The following CHRM3 variants were observed in gnomAD, a reference collection of about 807,000 sequenced individuals.
CHRM3 encodes muscarinic acetylcholine receptor M3.
CHRM3 carries 11 observed loss-of-function variants against 41.8 expected under a neutral mutation model. That is an observed-to-expected ratio of 0.26 (90% CI 0.17 to 0.44). The LOEUF (loss-of-function observed/expected upper bound fraction) is 0.44. Among genes scored for constraint, CHRM3 ranks in the 20% least tolerant of loss-of-function variants. The pLI is 1.00. For synonymous variants in CHRM3, 297 were observed against 301.4 expected (o/e 0.99, Z 0.15); for missense variants, 571 against 745.4 (o/e 0.77, Z 2.72).
At chr1:239,743,681 C>A (rs1665060798) in intron 5 of CHRM3, among the ~76,000 whole-genome samples, 1 of 151,994 alleles carries the variant, frequency 6.6e-6, no homozygotes. Context: ...CCAAACCAAA[C>A]CATCAACCAC....
intron 5 of CHRM3, among the ~76,000 whole-genome samples, chr1:239,736,560 C>T (rs1298715272): frequency 4.6e-5 from 7 of 151,948 alleles, no homozygotes; most frequent in Admixed American, 6.6e-5. Flanking sequence ...GATGTATTAT[C>T]GGATGTTGAA....
At chr1:239,782,478 G>A (rs954383946) in intron 5 of CHRM3, among the ~76,000 whole-genome samples, 1 of 152,032 alleles carries the variant, frequency 6.6e-6, no homozygotes, top group African/African-American at 2.4e-5. Flanking sequence ...TTATGATTTA[G>A]TAATTTGAAT....
At chr1:239,520,712 C>T (rs987781072) in intron 2 of CHRM3, among the ~76,000 whole-genome samples, 1 of 152,158 alleles carries the variant, frequency 6.6e-6, no homozygotes, top group Non-Finnish European at 1.5e-5. Flanking sequence ...TTAAGTCAAA[C>T]CAGTGACTAA....
chr1:239,776,886 A>G (rs1400253675), intron 5 of CHRM3, among the ~76,000 whole-genome samples: 1 of 152,104 alleles, frequency 6.6e-6, no homozygotes, highest in African/African-American at 2.4e-5. Flanking sequence ...TGAAACCATC[A>G]GGTCTTGTAA....
At chr1:239,649,529 C>T (rs1672052719) in intron 4 of CHRM3, among the ~76,000 whole-genome samples, 2 of 152,144 alleles carry the variant, frequency 1.3e-5, no homozygotes, top group South Asian at 4.1e-4. Context: ...CATAAGTAAG[C>T]TCAGTTTTAA....
chr1:239,813,400 T>C (rs903255403), intron 5 of CHRM3, among the ~76,000 whole-genome samples: 3 of 152,192 alleles, frequency 2.0e-5, no homozygotes, highest in African/African-American at 4.8e-5. Flanking sequence ...AAAAAAATAA[T>C]TTGGACTAAC....
Position 239,908,838 on chromosome 1 carries a change from C to T in CHRM3, c.1387C>T (p.Leu463=). The T allele has an allele frequency of 1.2e-6, 2 of 1,614,152 alleles. No homozygotes were observed. Among genetic ancestry groups the T allele is most frequent in the Middle Eastern group, 1.6e-4 (1 of 6,062 alleles). The change falls in exon 7 of 7, where the codon CTG becomes TTG. Residue 463 remains leucine (L), a synonymous_variant. Coordinates refer to ENST00000676153, the MANE Select transcript of CHRM3 (RefSeq NM_001375978.1). The surrounding 1 kb of genome is among the most constrained non-coding windows in gnomAD (Gnocchi z 7.2). ...ACCTCTGTCCTTCAAGGAAGCCACT[C>T]TGGCCAAGAGGTTTGCTCTGAAGAC... ...TLPLSFKEAT[L]AKRFALKTRS... is the part of the protein sequence containing the mutation.
intron 4 of CHRM3, among the ~76,000 whole-genome samples, chr1:239,658,716 A>G (rs1273740444): frequency 6.6e-6 from 1 of 151,930 alleles, no homozygotes; most frequent in Non-Finnish European, 1.5e-5. Context: ...ACATCCTCTC[A>G]TAGCTTCTTC....
chr1:239,643,343 T>C (rs1487111192), intron 4 of CHRM3, among the ~76,000 whole-genome samples: 1 of 152,182 alleles, frequency 6.6e-6, no homozygotes, highest in African/African-American at 2.4e-5. Flanking sequence ...CTGCTATCTT[T>C]TTATTTGTCT....
At position 239,908,954 on chromosome 1, in the gene CHRM3, C is replaced by T; in HGVS notation, c.1503C>T (p.Ile501=). The T allele has an allele frequency of 1.2e-6, 2 of 1,614,146 alleles. No homozygotes were observed. Among genetic ancestry groups the T allele is most frequent in the East Asian group, 2.2e-5 (1 of 44,846 alleles). ...QTLSAILLAF[I]ITWTPYNIMV... is the part of the protein sequence containing the mutation. The stretch of plus-strand genomic sequence containing the variant: ...TCAGTGCGATCTTGCTTGCCTTCAT[C>T]ATCACTTGGACCCCATACAACATCA... Residue 501 remains isoleucine, a synonymous_variant, in exon 7 of 7, where the codon ATC becomes ATT. Coordinates refer to ENST00000676153, the MANE Select transcript of CHRM3 (RefSeq NM_001375978.1). This position sits in a 1 kb window ranked among gnomAD's most constrained non-coding sequence, Gnocchi z 7.2.
At chr1:239,568,059 G>A (rs756252091) in intron 3 of CHRM3, among the ~76,000 whole-genome samples, 14 of 152,148 alleles carry the variant, frequency 9.2e-5, no homozygotes, top group South Asian at 4.1e-4. Context: ...GCAACTGAGG[G>A]AGGTCCAGGA....
chr1:239,810,900 G>A, intron 5 of CHRM3, among the ~76,000 whole-genome samples: 1 of 152,274 alleles, frequency 6.6e-6, no homozygotes, highest in South Asian at 2.1e-4. Context: ...TCATTACCAA[G>A]TACCTATCCC....
At chr1:239,500,280 T>C (rs1026295111) in intron 2 of CHRM3, among the ~76,000 whole-genome samples, 1 of 152,098 alleles carries the variant, frequency 6.6e-6, no homozygotes, top group Non-Finnish European at 1.5e-5. Context: ...TGGAATACTA[T>C]GCAGACATAA....
intron 5 of CHRM3, among the ~76,000 whole-genome samples, chr1:239,816,557 G>T (rs1038739503): frequency 2.6e-5 from 4 of 152,038 alleles, no homozygotes; most frequent in African/African-American, 9.7e-5. Flanking sequence ...TTGCTCCCCA[G>T]GCCTGCTTGC....
chr1:239,535,824 C>T (rs9287229), intron 2 of CHRM3, among the ~76,000 whole-genome samples: 76,662 of 151,628 alleles, frequency 0.51, 19,862 homozygotes, highest in Middle Eastern at 0.68. Flanking sequence ...CAGGTTAGTC[C>T]GGAGCAAAGA....
chr1:239,832,365 A>T (rs866879713), intron 6 of CHRM3, among the ~76,000 whole-genome samples: 14 of 152,202 alleles, frequency 9.2e-5, no homozygotes, highest in African/African-American at 3.4e-4. Context: ...CAAATTGTTC[A>T]ACTTTGAATG....
intron 2 of CHRM3, among the ~76,000 whole-genome samples, chr1:239,506,275 A>G (rs1024248311): frequency 6.6e-6 from 1 of 152,112 alleles, no homozygotes; most frequent in Admixed American, 6.5e-5. Flanking sequence ...AGGCCCTCCC[A>G]TCACAAGCCC....
At chr1:239,407,417 T>TATATATAGAGAGAG in intron 1 of CHRM3, among the ~76,000 whole-genome samples, 2 of 134,176 alleles carry the variant, frequency 1.5e-5, no homozygotes, top group Non-Finnish European at 1.7e-5. Flanking sequence ...TATATATATA[T>TATATATAGAGAGAG]AGAGAGAGAG....
At chr1:239,847,376 A>T (rs563036793) in intron 6 of CHRM3, among the ~76,000 whole-genome samples, 4 of 152,340 alleles carry the variant, frequency 2.6e-5, no homozygotes, top group Admixed American at 6.5e-5. Flanking sequence ...CTTAGAAATC[A>T]CTAAAATAGA....
Sources: gnomAD v4.1 joint callset for allele counts (sites outside exome capture counted in the v4.1 genomes callset) on GRCh38, gnomAD v4.1.1 for gene constraint, Gnocchi (gnomAD v3.1) non-coding constraint, MANE v1.5 for transcripts, NCBI Gene and HGNC (gene_info 2026-07-23, HGNC 2026-07-21) for gene names.